NUP210: variants seen among roughly 807,000 people sequenced by gnomAD.
NUP210 encodes the protein nucleoporin 210.
In NUP210, 151 loss-of-function variants were observed where a neutral mutation model predicts 196.0. The observed-to-expected ratio is 0.77, with a 90% CI of 0.67 to 0.88. The LOEUF (loss-of-function observed/expected upper bound fraction) is 0.88. Among genes scored for constraint, NUP210 ranks in the 40% least tolerant of loss-of-function variants. The pLI, the probability that NUP210 is intolerant of heterozygous loss-of-function variation, is 0.00. For synonymous variants in NUP210, 1,070 were observed against 1,052.7 expected (o/e 1.02, Z -0.32); for missense variants, 2,314 against 2,493.7 (o/e 0.93, Z 1.53).
intron 27 of NUP210, 131 bp from the exon 28 acceptor site, chr3:13,335,743 C>T: frequency 2.0e-6 from 2 of 1,010,518 alleles, no homozygotes; most frequent in Non-Finnish European, 2.9e-6. Context: ...TTCTCAAGGG[C>T]TCTGCCTTCC....
Position 13,399,779 on chromosome 3 carries a change from C to G in NUP210, c.250G>C (p.Ala84Pro). Residue 84 changes from alanine (A) to proline (P), a missense_variant, in exon 2 of 40, where the codon GCC (alanine) becomes CCC (proline). Transcript: ENST00000254508. The part of the protein sequence containing the change: ...QQCSQKAVVQ[A>P]RLTQPARLTS... ...AGGCGGGCAGGCTGGGTCAGGCGGG[C>G]CTGCACCACTGCCTTCTGGGAGCAC... 4 of 1,614,004 alleles carry G rather than the reference C, an allele frequency of 2.5e-6. No homozygotes were observed. The South Asian group carries it at 4.4e-5, about 18-fold the overall frequency.
In NUP210 at chr3:13,339,957, C is replaced by T. The variant is rs760236267; in HGVS notation, c.3368G>A (p.Ser1123Asn). The T allele has an allele frequency of 6.2e-7, 1 of 1,614,056 alleles. No individual in the cohort carries two copies. The highest frequency in any genetic ancestry group is 8.5e-7 in the Non-Finnish European group (1 of 1,180,048). The stretch of plus-strand genomic sequence containing the variant: ...GAGGCCCTGTACCAGCCCAGCAGCG[C>T]TCACCAGCGCAACGCTCTCATTGCT... The part of the protein sequence containing the change: ...SISNESVALV[S>N]AAGLVQGLAI... Residue 1123 changes from serine (S) to asparagine (N), a missense_variant, in exon 25 of 40, where the codon AGC becomes AAC. Transcript: ENST00000254508.
intron 12 of NUP210, among the ~76,000 whole-genome samples, chr3:13,372,357 G>A (rs1317373604): frequency 2.6e-5 from 4 of 152,230 alleles, no homozygotes; most frequent in Non-Finnish European, 5.9e-5. Context: ...CCAGTGTGCT[G>A]AAGTGCACTG....
At chr3:13,355,759 C>T (rs902123493) in intron 16 of NUP210, among the ~76,000 whole-genome samples, 6 of 152,176 alleles carry the variant, frequency 3.9e-5, no homozygotes, top group South Asian at 4.1e-4. Context: ...ATATAGAAGC[C>T]GGGAGTTTGG....
chr3:13,380,313 C>T (rs1455984076), intron 6 of NUP210, among the ~76,000 whole-genome samples: 1 of 152,182 alleles, frequency 6.6e-6, no homozygotes, highest in Non-Finnish European at 1.5e-5. Context: ...ATCTTCCTTG[C>T]TCTGTGGGCA....
At chr3:13,411,692 G>C (rs1322793738) in intron 1 of NUP210, among the ~76,000 whole-genome samples, 1 of 152,078 alleles carries the variant, frequency 6.6e-6, no homozygotes, top group African/African-American at 2.4e-5. Context: ...CTCTTGGTTG[G>C]ACACCTGCCC....
chr3:13,322,068 G>A, intron 35 of NUP210, 125 bp downstream of exon 35: 1 of 1,280,018 alleles, frequency 7.8e-7, no homozygotes, highest in Non-Finnish European at 1.1e-6. Flanking sequence ...CCCCAGGCTG[G>A]GCTCCTGACA....
At position 13,320,022 on chromosome 3, in the gene NUP210, G is replaced by T. The variant is rs545892408; in HGVS notation, c.5167-43C>A. On this transcript the variant is annotated intron_variant, in intron 36 of 39. Transcript: ENST00000254508. ...GCTGGGGGTGCACATTCTGCAGAGT[G>T]GGGGGACCACTGAGCGGGGCCTCAG... is the stretch of plus-strand genomic sequence containing the variant. The T allele has an allele frequency of 6.4e-6, 10 of 1,573,960 alleles. No individual in the cohort carries two copies. In the Admixed American group the frequency reaches 6.7e-5, roughly 11 times the overall value.
intron 1 of NUP210, among the ~76,000 whole-genome samples, chr3:13,410,019 ATTTT>A (rs34707109): frequency 7.2e-6 from 1 of 138,020 alleles, no homozygotes. Context: ...CACCCAGCTA[ATTTT>A]TTTTTTTTTT....
In NUP210 at chr3:13,334,380, G is replaced by C. The variant is rs115730600; in HGVS notation, c.3843+1074C>G. 1.6e-3 allele frequency among the ~76,000 whole-genome samples: 248 copies of C among 152,176 alleles called. 1 individual carries two copies. The highest frequency in any genetic ancestry group is 5.6e-3 in the African/African-American group (234 of 41,526). On this transcript the variant is annotated intron_variant, in intron 28 of 39. Coordinates refer to ENST00000254508, the MANE Select transcript of NUP210 (RefSeq NM_024923.4). ...GTGCATGTGTACCTCTGTGTTGTAT[G>C]TATGTGTCTCTATGTATGTGTGTCT...
At position 13,328,931 on chromosome 3, in the gene NUP210, A is replaced by G. The variant is rs1696887126; in HGVS notation, c.4126T>C (p.Tyr1376His). 3.1e-6 allele frequency: 5 copies of G among 1,613,972 alleles called. No individual in the cohort carries two copies. Among genetic ancestry groups the G allele is most frequent in the African/African-American group, 1.3e-5 (1 of 75,048 alleles). ...ACAGGGCTCATGGAAACCCTCAGGT[A>G]GGAAACAGGGGATACCTAAGGGACA... ...IVAVKVSPVS[Y>H]LRVSMSPVLH... The change falls in exon 31 of 40, where the codon TAC (tyrosine) becomes CAC (histidine). Residue 1376 changes from tyrosine (Y) to histidine (H), a missense_variant. Transcript: ENST00000254508.
chr3:13,343,645 A>G (rs945377562), intron 20 of NUP210, among the ~76,000 whole-genome samples: 4 of 152,218 alleles, frequency 2.6e-5, no homozygotes, highest in African/African-American at 9.6e-5. Context: ...GGGGCCAGTC[A>G]GCAGCCTTGG....
intron 20 of NUP210, among the ~76,000 whole-genome samples, chr3:13,343,735 C>T (rs901433324): frequency 6.6e-6 from 1 of 152,190 alleles, no homozygotes; most frequent in Non-Finnish European, 1.5e-5. Context: ...CTGCTGCAGC[C>T]CTGGTGCTAG....
intron 1 of NUP210, among the ~76,000 whole-genome samples, chr3:13,404,402 G>T (rs1207620817): frequency 1.3e-5 from 2 of 152,212 alleles, no homozygotes; most frequent in Non-Finnish European, 2.9e-5. Context: ...TTTAAAAAAA[G>T]AATGGAAACC....
Position 13,353,942 on chromosome 3 carries a change from C to A in NUP210, c.2494G>T (p.Asp832Tyr), listed in dbSNP as rs753065275. 3.1e-6 allele frequency: 5 copies of A among 1,609,862 alleles called. No individual in the cohort carries two copies. Reference protein sequence around the residue: ...ELPMQLVSQDDESGQKKLHGL... With the variant: ...ELPMQLVSQDYESGQKKLHGL... ...TGCAGCTTCTTTTGGCCACTCTCATCGTCCTGGGACACCAGCTGCATGGGC... is the reference window on the plus strand; with the variant it reads ...TGCAGCTTCTTTTGGCCACTCTCATAGTCCTGGGACACCAGCTGCATGGGC... The change falls in exon 17 of 40, where the codon GAT (aspartate) becomes TAT (tyrosine). Residue 832 changes from aspartate to tyrosine, a missense_variant. Physicochemically the swap from Asp to Tyr is radical, Grantham distance 160 (BLOSUM62 -3). Coordinates refer to ENST00000254508, the MANE Select transcript of NUP210 (RefSeq NM_024923.4).
chr3:13,334,466 C>A (rs572653902), intron 28 of NUP210, among the ~76,000 whole-genome samples: 4 of 151,896 alleles, frequency 2.6e-5, no homozygotes, highest in Non-Finnish European at 5.9e-5. Context: ...GTTGGCAGAT[C>A]GGTGGGGGTT....
Position 13,343,231 on chromosome 3 carries a change from T to C in NUP210, c.2908A>G (p.Lys970Glu). Residue 970 changes from lysine (K) to glutamate (E), a missense_variant, in exon 21 of 40, where the codon AAG becomes GAG. Transcript: ENST00000254508. ...DLCLVFPAPAKAVVYVSDIQE... is the reference protein window; with the variant it reads ...DLCLVFPAPAEAVVYVSDIQE... ...ATGTCCGACACGTAAACGACAGCCT[T>C]GGCTGGGGCCGGGAAGACGAGGCAC... is the stretch of plus-strand genomic sequence containing the variant. The C allele has an allele frequency of 1.3e-6, 2 of 1,564,290 alleles. No homozygotes were observed. The highest frequency in any genetic ancestry group is 1.7e-6 in the Non-Finnish European group (2 of 1,149,326).
intron 20 of NUP210, among the ~76,000 whole-genome samples, chr3:13,343,917 C>A (rs1697621736): frequency 6.6e-6 from 1 of 152,250 alleles, no homozygotes; most frequent in East Asian, 1.9e-4. Context: ...GCATCTCGCT[C>A]ATCTTTGTGT....
At position 13,323,979 on chromosome 3, in the gene NUP210, C is replaced by G. The variant is rs942847770; in HGVS notation, c.4645-547G>C. On this transcript the variant is annotated intron_variant, in intron 33 of 39. Transcript: ENST00000254508. This position sits in a 1 kb window ranked among gnomAD's most constrained non-coding sequence, Gnocchi z 4.3. ...TTCCTGCAGCTGAAGGCCCCCCTCC[C>G]TCTCTCAGCAGGCACCAGCGCTCCC... 2.6e-5 allele frequency among the ~76,000 whole-genome samples: 4 copies of G among 152,202 alleles called. No homozygotes were observed. Among genetic ancestry groups the G allele is most frequent in the African/African-American group, 9.7e-5 (4 of 41,444 alleles).
Sources: gnomAD v4.1 joint callset for allele counts (sites outside exome capture counted in the v4.1 genomes callset) on GRCh38, gnomAD v4.1.1 for gene constraint, Gnocchi (gnomAD v3.1) non-coding constraint, MANE v1.5 for transcripts, NCBI Gene and HGNC (gene_info 2026-07-23, HGNC 2026-07-21) for gene names.